TTLL1: variants seen among roughly 807,000 people sequenced by gnomAD.
TTLL1 encodes the protein TTL family tubulin polyglutamylase complex subunit L1.
TTLL1 carries 33 observed loss-of-function variants against 47.8 expected under a neutral mutation model. The observed-to-expected ratio is 0.69, with a 90% CI of 0.52 to 0.92. The LOEUF (loss-of-function observed/expected upper bound fraction) is 0.92, where lower values mean the gene tolerates loss of function less well. Ranked by LOEUF, TTLL1 falls within the 40% of genes least tolerant of loss-of-function variation. The probability of loss-of-function intolerance (pLI) is 0.00; values close to 1 mark genes in which losing one functional copy is unlikely to be tolerated. For missense variants in TTLL1, 488 were observed against 547.5 expected (o/e 0.89, Z 1.08); for synonymous variants, 225 against 214.1 (o/e 1.05, Z -0.45).
rs982036872 is a variant in TTLL1, at chr22:43,069,248, C to T, written c.322+388G>A. Among the ~76,000 whole-genome samples the T allele has an allele frequency of 3.3e-3, 494 of 149,060 alleles. 1 individual carries two copies. Among genetic ancestry groups the T allele is most frequent in the African/African-American group, 0.012 (481 of 40,378 alleles). On this transcript the variant is annotated intron_variant, in intron 4 of 10. Transcript: ENST00000266254. ...AAAAAAAAAAAAAAAAAAAATTAGT[C>T]GGGCATGGTAGAGGGCACCAGTAGT...
intron 5 of TTLL1, among the ~76,000 whole-genome samples, chr22:43,065,525 A>C (rs530483879): frequency 6.6e-6 from 1 of 152,102 alleles, no homozygotes; most frequent in South Asian, 2.1e-4. Context: ...CCTGACCTCA[A>C]GTGATCCGCC....
chr22:43,088,325 T>C (rs543019784), intron 1 of TTLL1, among the ~76,000 whole-genome samples: 605 of 19,372 alleles, frequency 0.031, 6 homozygotes, highest in East Asian at 0.28. Flanking sequence ...AGGGCCCATC[T>C]TTTTTTTTTT....
At chr22:43,058,618 C>G (rs1305368900) in intron 8 of TTLL1, among the ~76,000 whole-genome samples, 1 of 152,232 alleles carries the variant, frequency 6.6e-6, no homozygotes, top group African/African-American at 2.4e-5. Context: ...GCAAGCTAGC[C>G]CCTTTCCCTT....
At chr22:43,076,014 G>A (rs1928460669) in intron 2 of TTLL1, among the ~76,000 whole-genome samples, 1 of 152,194 alleles carries the variant, frequency 6.6e-6, no homozygotes, top group Admixed American at 6.5e-5. Flanking sequence ...GCCGCAGACA[G>A]GGCAGCTGGG....
chr22:43,052,008 C>T (rs1010432855), intron 8 of TTLL1, 121 bp from the exon 9 acceptor site: 1 of 850,744 alleles, frequency 1.2e-6, no homozygotes, highest in African/African-American at 1.6e-5. Context: ...GGTTCCCACC[C>T]TCCACCACAA....
chr22:43,059,872 TAGAGA>T (rs1927285170), intron 7 of TTLL1, among the ~76,000 whole-genome samples: 1 of 152,154 alleles, frequency 6.6e-6, no homozygotes, highest in East Asian at 1.9e-4. Flanking sequence ...AAATTTTTTG[TAGAGA>T]AGAGGTCTCA....
chr22:43,058,945 G>A (rs1039013151), intron 8 of TTLL1, among the ~76,000 whole-genome samples: 1 of 151,968 alleles, frequency 6.6e-6, no homozygotes, highest in Non-Finnish European at 1.5e-5. Context: ...CGCCTGCCTC[G>A]CCCTCCCAGC....
Position 43,073,830 on chromosome 22 carries a change from TTTA to T in TTLL1, c.113+1641_113+1643del, listed in dbSNP as rs1428903195. ...CTCTTCTTTTTTATTTATTTATTTA[TTTA>T]TTTTTTTTGAGACAGAGTCTCACTG... On this transcript the variant is annotated intron_variant, in intron 3 of 10. Coordinates refer to ENST00000266254, the MANE Select transcript of TTLL1 (RefSeq NM_012263.5). Among the ~76,000 whole-genome samples the T allele has an allele frequency of 2.8e-3, 418 of 149,136 alleles. 2 individuals carry two copies. Among genetic ancestry groups the T allele is most frequent in the African/African-American group, 9.9e-3 (398 of 40,144 alleles).
intron 8 of TTLL1, among the ~76,000 whole-genome samples, chr22:43,057,244 G>C (rs1007133037): frequency 6.7e-5 from 10 of 149,378 alleles, no homozygotes; most frequent in East Asian, 2.0e-4. Context: ...ACTCCAGCCT[G>C]GTCGACAGAA....
At chr22:43,060,703 C>G (rs1013375816) in intron 7 of TTLL1, among the ~76,000 whole-genome samples, 1 of 152,132 alleles carries the variant, frequency 6.6e-6, no homozygotes, top group Non-Finnish European at 1.5e-5. Context: ...GTTTTGCCAC[C>G]CCTGAAAATT....
chr22:43,048,501 G>A (rs976730210), intron 9 of TTLL1, among the ~76,000 whole-genome samples: 9 of 149,458 alleles, frequency 6.0e-5, no homozygotes, highest in African/African-American at 2.2e-4. Context: ...TATCTGGGAA[G>A]AGTGGCACAC....
intron 1 of TTLL1, among the ~76,000 whole-genome samples, chr22:43,085,800 C>G (rs373113083): frequency 3.9e-5 from 6 of 152,180 alleles, no homozygotes; most frequent in Non-Finnish European, 7.4e-5. Flanking sequence ...ACAGCCTACA[C>G]GCTTCCCTCC....
intron 7 of TTLL1, among the ~76,000 whole-genome samples, chr22:43,062,172 C>G (rs952132576): frequency 2.0e-5 from 3 of 151,712 alleles, no homozygotes; most frequent in Non-Finnish European, 4.4e-5. Context: ...CAGATAAACC[C>G]ATAGCAAGTT....
chr22:43,069,531 C>T, intron 4 of TTLL1, 105 bp downstream of exon 4: 46 of 1,552,454 alleles, frequency 3.0e-5, no homozygotes, highest in Non-Finnish European at 3.9e-5. Context: ...CTCGCATGGA[C>T]ATGCTCACGC....
intron 5 of TTLL1, among the ~76,000 whole-genome samples, chr22:43,065,898 G>A (rs1377787769): frequency 4.6e-5 from 7 of 151,816 alleles, no homozygotes; most frequent in Non-Finnish European, 1.5e-5. Flanking sequence ...AGCTACTGGA[G>A]GCCTGTAATC....
chr22:43,060,556 G>C (rs1370454537), intron 7 of TTLL1, among the ~76,000 whole-genome samples: 1 of 152,188 alleles, frequency 6.6e-6, no homozygotes, highest in Admixed American at 6.5e-5. Flanking sequence ...ACAACCTTGA[G>C]AAGACGCCAT....
At chr22:43,043,521 G>C (rs1442243066) in intron 10 of TTLL1, among the ~76,000 whole-genome samples, 1 of 151,836 alleles carries the variant, frequency 6.6e-6, no homozygotes, top group African/African-American at 2.4e-5. Flanking sequence ...CCCCAACCCT[G>C]ATCTCACCCT....
Position 43,056,486 on chromosome 22 carries a change from T to A in TTLL1, c.891+2898A>T, listed in dbSNP as rs1390473820. On this transcript the variant is annotated intron_variant, in intron 8 of 10. Transcript: ENST00000266254. ...TCTTTTTTTTTTTTTTTTTTTTTTTTAAAGAGACAGGGCTGGCCGGGTGCA... is the reference window on the plus strand; with the variant it reads ...TCTTTTTTTTTTTTTTTTTTTTTTTAAAAGAGACAGGGCTGGCCGGGTGCA... Among the ~76,000 whole-genome samples, 7 of 143,912 alleles carry A rather than the reference T, an allele frequency of 4.9e-5. No individual in the cohort carries two copies. The East Asian group carries it at 1.0e-3, about 21-fold the overall frequency. The allele number at this position is 143,912 out of a possible 152,430, so 94.4% of individuals were successfully genotyped here. A position where few individuals can be genotyped will look rare whatever the true frequency, so the allele number is the denominator to read the frequency against.
intron 3 of TTLL1, chr22:43,070,087 G>A: frequency 1.6e-6 from 2 of 1,281,700 alleles, no homozygotes; most frequent in Non-Finnish European, 2.2e-6. Context: ...TCCCTCTCTG[G>A]CCCGGAGCAG....
Sources: gnomAD v4.1 joint callset for allele counts (sites outside exome capture counted in the v4.1 genomes callset) on GRCh38, gnomAD v4.1.1 for gene constraint, MANE v1.5 for transcripts, NCBI Gene and HGNC (gene_info 2026-07-23, HGNC 2026-07-21) for gene names.